PXK: variants seen among roughly 807,000 people sequenced by gnomAD.
PXK encodes PX domain-containing protein kinase-like protein.
PXK carries 35 observed loss-of-function variants against 84.7 expected under a neutral mutation model. That is an observed-to-expected ratio of 0.41 (90% CI 0.32 to 0.55). PXK has a LOEUF of 0.55. Ranked by LOEUF, PXK falls within the 20% of genes least tolerant of loss-of-function variation. The pLI is 0.21. For missense variants in PXK, 634 were observed against 699.7 expected (o/e 0.91, Z 1.06); for synonymous variants, 253 against 260.8 (o/e 0.97, Z 0.29).
rs1263824852 is a variant in PXK, at chr3:58,370,214, C to CT, written c.201+742dup. Among the ~76,000 whole-genome samples, 1 of 152,158 alleles carries CT rather than the reference C, an allele frequency of 6.6e-6. No homozygotes were observed. Among genetic ancestry groups the CT allele is most frequent in the Non-Finnish European group, 1.5e-5 (1 of 68,024 alleles). ...AGAGTCTCAACCTTTTTCTGTTTAA[C>CT]TTTTTTATCCTAAATATGTAGTTAG... On this transcript the variant is annotated intron_variant, in intron 3 of 17. Transcript: ENST00000356151. The surrounding 1 kb of genome is among the most constrained non-coding windows in gnomAD (Gnocchi z 4.2).
At chr3:58,358,448 C>A (rs1286692538) in intron 1 of PXK, among the ~76,000 whole-genome samples, 3 of 152,176 alleles carry the variant, frequency 2.0e-5, no homozygotes, top group Non-Finnish European at 2.9e-5. Context: ...CATGCACATG[C>A]TACAAATGGT....
intron 3 of PXK, among the ~76,000 whole-genome samples, chr3:58,375,331 C>T (rs2098431362): frequency 6.6e-6 from 1 of 152,116 alleles, no homozygotes; most frequent in Non-Finnish European, 1.5e-5. Flanking sequence ...AAGCACTTTT[C>T]TTTCTTTAAT....
chr3:58,374,409 G>A (rs1044717228), intron 3 of PXK, among the ~76,000 whole-genome samples: 4 of 151,974 alleles, frequency 2.6e-5, no homozygotes, highest in Non-Finnish European at 5.9e-5. Context: ...CCTGACCTCA[G>A]GTGATCCACC....
intron 5 of PXK, 106 bp from the exon 6 acceptor site, chr3:58,391,041 C>T (rs1274308428): frequency 1.4e-5 from 11 of 787,886 alleles, no homozygotes; most frequent in Admixed American, 1.2e-4. Flanking sequence ...TATGTAGCTG[C>T]GAATAATATT....
chr3:58,374,907 TA>T (rs1308240467), intron 3 of PXK, among the ~76,000 whole-genome samples: 1 of 152,130 alleles, frequency 6.6e-6, no homozygotes, highest in East Asian at 1.9e-4. Context: ...ATCTTAAACT[TA>T]GGGCAGGAAA....
At position 58,383,956 on chromosome 3, in the gene PXK, A is replaced by G. The variant is rs907449906; in HGVS notation, c.388+1256A>G. Reference sequence around the variant, plus strand: ...ATTCACCAAAATATTCCTATTTCAGAGAGGGGAAACAGATGTCTACTTGGC... The same window carrying G: ...ATTCACCAAAATATTCCTATTTCAGGGAGGGGAAACAGATGTCTACTTGGC... On this transcript the variant is annotated intron_variant, in intron 4 of 17. Coordinates refer to ENST00000356151, the MANE Select transcript of PXK (RefSeq NM_017771.5). The surrounding 1 kb of genome is among the most constrained non-coding windows in gnomAD (Gnocchi z 4.0). Among the ~76,000 whole-genome samples, 13 of 152,046 alleles carry G rather than the reference A, an allele frequency of 8.6e-5. No individual in the cohort carries two copies. Among genetic ancestry groups the G allele is most frequent in the African/African-American group, 3.1e-4 (13 of 41,382 alleles).
At chr3:58,358,009 A>T (rs945255107) in intron 1 of PXK, among the ~76,000 whole-genome samples, 5 of 152,110 alleles carry the variant, frequency 3.3e-5, no homozygotes, top group African/African-American at 1.2e-4. Flanking sequence ...AAGAAAACCT[A>T]ATCTTACTGG....
chr3:58,368,972 A>T (rs1002237971), intron 2 of PXK, among the ~76,000 whole-genome samples: 1 of 152,250 alleles, frequency 6.6e-6, no homozygotes. Context: ...CCTGCAATGC[A>T]GTCCAGTCTC....
rs1004830883 is a variant in PXK at position 58,411,771 on chromosome 3, C to T, written c.1466-1130C>T. Reference sequence around the variant, plus strand: ...ATTCCCAAACTTTACTGGAGTCAAGCAGTGAAGCTTCTCCCCATTAAAGTT... The same window carrying T: ...ATTCCCAAACTTTACTGGAGTCAAGTAGTGAAGCTTCTCCCCATTAAAGTT... On this transcript the variant is annotated intron_variant, in intron 16 of 17. Coordinates refer to ENST00000356151, the MANE Select transcript of PXK (RefSeq NM_017771.5). This position sits in a 1 kb window ranked among gnomAD's most constrained non-coding sequence, Gnocchi z 4.2. Among the ~76,000 whole-genome samples the T allele has an allele frequency of 1.3e-5, 2 of 152,106 alleles. No homozygotes were observed. Among genetic ancestry groups the T allele is most frequent in the Non-Finnish European group, 2.9e-5 (2 of 68,034 alleles).
intron 1 of PXK, among the ~76,000 whole-genome samples, chr3:58,336,071 A>ATATTTTT (rs1284780630): frequency 3.9e-5 from 2 of 51,582 alleles, no homozygotes; most frequent in African/African-American, 1.0e-4. Flanking sequence ...ATATATATAT[A>ATATTTTT]TTTTTTTTTT....
In PXK at chr3:58,333,640, C is replaced by T. The variant is rs531524464; in HGVS notation, c.102+550C>T. On this transcript the variant is annotated intron_variant, in intron 1 of 17. Transcript: ENST00000356151. This position sits in a 1 kb window ranked among gnomAD's most constrained non-coding sequence, Gnocchi z 5.4. The stretch of plus-strand genomic sequence containing the variant: ...CCGTTTCCAGGTCAGCCGCTTGGCC[C>T]TGGTCCCGGGAAGTGGTGGGGGCGG... 2.4e-5 allele frequency: 11 copies of T among 456,630 alleles called. No individual in the cohort carries two copies. In the East Asian group the frequency reaches 7.7e-4, roughly 32 times the overall value. The allele number at this position is 456,630 out of a possible 1,614,324, so 28.3% of individuals were successfully genotyped here. A position where few individuals can be genotyped will look rare whatever the true frequency, so the allele number is the denominator to read the frequency against.
chr3:58,359,006 G>A (rs2098135857), intron 1 of PXK, among the ~76,000 whole-genome samples: 1 of 152,096 alleles, frequency 6.6e-6, no homozygotes, highest in Admixed American at 6.5e-5. Flanking sequence ...TCGTCAGAAT[G>A]CACTTTTCTG....
chr3:58,421,204 T>C lies in PXK; in HGVS notation c.1529-3548T>C, dbSNP rs781197542. 70 of 985,386 alleles carry C rather than the reference T, an allele frequency of 7.1e-5. No homozygotes were observed. The highest frequency in any genetic ancestry group is 8.4e-5 in the Non-Finnish European group (70 of 829,920). 61.0% of individuals were successfully genotyped at this position (985,386 alleles called of 1,614,324 possible). ...TGGTCTCATGGCCACTTGGCCTCCC[T>C]TCCTGTATGTGACCACAAAGGAGCT... On this transcript the variant is annotated intron_variant, in intron 17 of 17. Coordinates refer to ENST00000356151, the MANE Select transcript of PXK (RefSeq NM_017771.5). The surrounding 1 kb of genome is among the most constrained non-coding windows in gnomAD (Gnocchi z 5.5).
intron 1 of PXK, among the ~76,000 whole-genome samples, chr3:58,356,485 T>C (rs2098082749): frequency 6.7e-6 from 1 of 148,388 alleles, no homozygotes; most frequent in African/African-American, 2.6e-5. Flanking sequence ...GGCTGCTGAC[T>C]CCAGCTCAGG....
chr3:58,381,682 G>A (rs1425858538), intron 3 of PXK, among the ~76,000 whole-genome samples: 1 of 151,668 alleles, frequency 6.6e-6, no homozygotes, highest in Non-Finnish European at 1.5e-5. Context: ...ATAATATAAT[G>A]ATGTCAGGAG....
chr3:58,415,116 AATC>A (rs2060768474), intron 17 of PXK, among the ~76,000 whole-genome samples: 1 of 152,180 alleles, frequency 6.6e-6, no homozygotes, highest in African/African-American at 2.4e-5. Flanking sequence ...ACACAATAAT[AATC>A]AACACAGACA....
At chr3:58,402,755 CT>C (rs34514925) in intron 12 of PXK, among the ~76,000 whole-genome samples, 3,511 of 130,348 alleles carry the variant, frequency 0.027, 88 homozygotes, top group African/African-American at 0.075. Context: ...TAATAATATA[CT>C]TTTTTTTTTT....
intron 17 of PXK, chr3:58,422,052 T>C: frequency 6.1e-6 from 6 of 985,352 alleles, no homozygotes; most frequent in Non-Finnish European, 7.2e-6. Context: ...GGCCAAATGG[T>C]AACTTTCATT....
chr3:58,419,771 T>G (rs1199887321), intron 17 of PXK, among the ~76,000 whole-genome samples: 1 of 152,190 alleles, frequency 6.6e-6, no homozygotes, highest in African/African-American at 2.4e-5. Flanking sequence ...GAAAAGGCTG[T>G]GGGGCAGAGT....
Sources: allele counts gnomAD v4.1 joint callset (sites outside exome capture counted in the v4.1 genomes callset), GRCh38; gene constraint gnomAD v4.1.1; non-coding constraint Gnocchi (gnomAD v3.1); transcripts MANE v1.5; gene names NCBI Gene and HGNC (gene_info 2026-07-23, HGNC 2026-07-21).